Variants in MAEA observed in about 807,000 individuals in gnomAD.
MAEA encodes the protein macrophage erythroblast attacher, E3 ubiquitin ligase, also known as E3 ubiquitin-protein transferase MAEA.
In MAEA, 22 loss-of-function variants were observed where a neutral mutation model predicts 46.2. The observed-to-expected ratio is 0.48, with a 90% CI of 0.34 to 0.68. The LOEUF (loss-of-function observed/expected upper bound fraction) is 0.68, where lower values mean the gene tolerates loss of function less well. Among genes scored for constraint, MAEA ranks in the 30% least tolerant of loss-of-function variants. The pLI is 0.01. For missense variants in MAEA, 393 were observed against 558.1 expected, an observed-to-expected ratio of 0.70 and a Z score of 2.98; for synonymous variants, 246 against 222.6, an observed-to-expected ratio of 1.11 and a Z score of -0.94.
At chr4:1,330,310 TTC>T (rs138157261) in intron 5 of MAEA, 24 of 130,330 alleles carry the variant, frequency 1.8e-4, no homozygotes, top group Middle Eastern at 3.8e-3. Flanking sequence ...TTCTGGGTGT[TTC>T]TCTCTCTCTC....
chr4:1,335,097 G>A, intron 6 of MAEA: 1 of 985,298 alleles, frequency 1.0e-6, no homozygotes, highest in South Asian at 4.7e-5. Context: ...TCTCTCCTGT[G>A]CTCACACACG....
chr4:1,297,153 T>C (rs1355408017), intron 1 of MAEA, among the ~76,000 whole-genome samples: 1 of 152,252 alleles, frequency 6.6e-6, no homozygotes, highest in East Asian at 1.9e-4. Context: ...AGACCTGCCT[T>C]ACTAAGCCAC....
chr4:1,319,033 G>A (rs1056735965), intron 3 of MAEA, among the ~76,000 whole-genome samples: 1 of 152,194 alleles, frequency 6.6e-6, no homozygotes, highest in Non-Finnish European at 1.5e-5. Context: ...AGAGTCCTCA[G>A]TGTGGCTGGT....
chr4:1,297,295 C>T (rs774817273), intron 1 of MAEA, among the ~76,000 whole-genome samples: 14 of 152,190 alleles, frequency 9.2e-5, no homozygotes, highest in Middle Eastern at 3.2e-3. Context: ...CTGCGGCCTT[C>T]GCGGCCAGGA....
intron 2 of MAEA, among the ~76,000 whole-genome samples, chr4:1,313,787 C>G (rs1020412848): frequency 7.2e-5 from 11 of 152,120 alleles, no homozygotes; most frequent in African/African-American, 2.7e-4. Flanking sequence ...AGGCTGGACA[C>G]TGTGGCTCAC....
At chr4:1,328,441 T>C (rs2108984657) in intron 5 of MAEA, among the ~76,000 whole-genome samples, 1 of 152,244 alleles carries the variant, frequency 6.6e-6, no homozygotes, top group East Asian at 1.9e-4. Context: ...CCTTGAGTGC[T>C]AGGTCGTCTC....
chr4:1,295,922 A>AC (rs1451053426), intron 1 of MAEA, among the ~76,000 whole-genome samples: 2 of 71,848 alleles, frequency 2.8e-5, no homozygotes, highest in South Asian at 6.2e-4. Flanking sequence ...CTTCACCTGC[A>AC]CCCCCTCACC....
At position 1,339,855 on chromosome 4, in the gene MAEA, C is replaced by CCTG. The variant is rs1486755615; in HGVS notation, c.*689_*691dup. On this transcript the variant is annotated 3_prime_UTR_variant, in exon 9 of 9. Transcript: ENST00000303400. ...ACACCCTCTGTGTGCCGCCTTACTT[C>CCTG]CTGCTTCGAGAATGTATAACGTGGA... is the stretch of plus-strand genomic sequence containing the variant. 1.3e-5 allele frequency: 2 copies of CCTG among 152,832 alleles called. No individual in the cohort carries two copies. Among genetic ancestry groups the CCTG allele is most frequent in the African/African-American group, 2.4e-5 (1 of 41,480 alleles). 9.5% of individuals were successfully genotyped at this position (152,832 alleles called of 1,614,324 possible).
At chr4:1,336,688 C>T (rs1220040020) in intron 6 of MAEA, among the ~76,000 whole-genome samples, 173 bp from the exon 7 acceptor site, 1 of 152,244 alleles carries the variant, frequency 6.6e-6, no homozygotes, top group East Asian at 1.9e-4. Flanking sequence ...CTGTGTGTAT[C>T]AGTCAACACT....
intron 1 of MAEA, chr4:1,298,220 C>T (rs1394304221): frequency 5.2e-6 from 2 of 382,998 alleles, no homozygotes; most frequent in Non-Finnish European, 1.1e-5. Context: ...TGCTTGTGCT[C>T]ACTGTTTCCT....
At chr4:1,303,770 G>A (rs1200175577) in intron 1 of MAEA, among the ~76,000 whole-genome samples, 1 of 151,932 alleles carries the variant, frequency 6.6e-6, no homozygotes, top group East Asian at 1.9e-4. Flanking sequence ...TGAATTTTAC[G>A]GCCTGTGAAT....
chr4:1,309,703 C>A, intron 1 of MAEA: 2 of 1,528,162 alleles, frequency 1.3e-6, no homozygotes, highest in East Asian at 2.5e-5. Context: ...GTGAAGACAC[C>A]GTGGCCCCGG....
chr4:1,315,716 C>G (rs931650727), intron 3 of MAEA, 116 bp downstream of exon 3: 1 of 870,256 alleles, frequency 1.1e-6, no homozygotes, highest in Admixed American at 2.3e-5. Flanking sequence ...GTTCCCCTCC[C>G]CCCACCCCCG....
intron 4 of MAEA, among the ~76,000 whole-genome samples, chr4:1,326,821 G>A (rs1187415425): frequency 1.3e-5 from 2 of 152,332 alleles, no homozygotes; most frequent in East Asian, 1.9e-4. Context: ...CACCGGCCCC[G>A]GCTTCTGCCC....
At chr4:1,318,549 G>A (rs572017815) in intron 3 of MAEA, among the ~76,000 whole-genome samples, 4 of 152,172 alleles carry the variant, frequency 2.6e-5, no homozygotes, top group African/African-American at 9.7e-5. Flanking sequence ...GAAGGCGGGC[G>A]TGTGGAGCCC....
chr4:1,324,977 C>T (rs1398725007), intron 4 of MAEA, among the ~76,000 whole-genome samples: 5 of 152,146 alleles, frequency 3.3e-5, no homozygotes, highest in African/African-American at 9.6e-5. Flanking sequence ...CTGGACGGGG[C>T]CTGAATCCAT....
intron 3 of MAEA, among the ~76,000 whole-genome samples, chr4:1,320,411 G>A (rs761929472): frequency 2.2e-5 from 3 of 134,840 alleles, no homozygotes; most frequent in East Asian, 2.3e-4. Flanking sequence ...GCAGGAAAAC[G>A]CTGTGAAGGG....
intron 2 of MAEA, among the ~76,000 whole-genome samples, chr4:1,312,934 G>A (rs1736698061): frequency 6.6e-6 from 1 of 152,182 alleles, no homozygotes; most frequent in Non-Finnish European, 1.5e-5. Flanking sequence ...GGAGGGCAGG[G>A]GTCAGAGGTG....
At chr4:1,326,139 C>T (rs753457381) in intron 4 of MAEA, among the ~76,000 whole-genome samples, 2 of 152,162 alleles carry the variant, frequency 1.3e-5, no homozygotes, top group Admixed American at 6.5e-5. Context: ...GGCTGGCAGG[C>T]GGGGTGGGCT....
Sources: allele counts gnomAD v4.1 joint callset (sites outside exome capture counted in the v4.1 genomes callset), GRCh38; gene constraint gnomAD v4.1.1; transcripts MANE v1.5; gene names NCBI Gene and HGNC (gene_info 2026-07-23, HGNC 2026-07-21).